GRIP1: variants seen among roughly 807,000 people sequenced by gnomAD.
GRIP1 encodes glutamate receptor-interacting protein 1.
A neutral mutation model predicts 129.9 loss-of-function variants in GRIP1; 45 were observed. The observed-to-expected ratio is 0.35, with a 90% confidence interval of 0.27 to 0.44. The LOEUF (loss-of-function observed/expected upper bound fraction) is 0.44. Among genes scored for constraint, GRIP1 ranks in the 20% least tolerant of loss-of-function variants. GRIP1 has a pLI of 1.00. For synonymous variants in GRIP1, 530 were observed against 520.8 expected, an observed-to-expected ratio of 1.02 and a Z score of -0.24; for missense variants, 1,196 against 1,396.8, an observed-to-expected ratio of 0.86 and a Z score of 2.29.
At chr12:66,387,394 C>G (rs180960470) in intron 19 of GRIP1, among the ~76,000 whole-genome samples, 83 of 152,330 alleles carry the variant, frequency 5.4e-4, no homozygotes, top group African/African-American at 1.8e-3. Context: ...AATTTACTCA[C>G]ACATACCATG....
chr12:67,008,565 T>C (rs571422388), intron 1 of GRIP1, among the ~76,000 whole-genome samples: 81 of 152,240 alleles, frequency 5.3e-4, no homozygotes, highest in Non-Finnish European at 1.1e-3. Context: ...ACTCTGGAAT[T>C]AGAGAGGATG....
chr12:66,526,849 T>A (rs1420222990), intron 5 of GRIP1, among the ~76,000 whole-genome samples: 1 of 150,302 alleles, frequency 6.7e-6, no homozygotes, highest in East Asian at 1.9e-4. Context: ...AACAACCCCA[T>A]CAAAAAGTGG....
At chr12:66,446,015 T>G (rs879877564) in intron 11 of GRIP1, among the ~76,000 whole-genome samples, 1 of 152,054 alleles carries the variant, frequency 6.6e-6, no homozygotes, top group African/African-American at 2.4e-5. Context: ...CCTGGCGTGG[T>G]GAGGCTGTGC....
At chr12:66,526,410 C>G (rs916289008) in intron 5 of GRIP1, among the ~76,000 whole-genome samples, 2 of 152,082 alleles carry the variant, frequency 1.3e-5, no homozygotes, top group Admixed American at 6.6e-5. Flanking sequence ...ACAAACCTGA[C>G]TAAAACAAGA....
rs35445606 is a variant in GRIP1 at position 66,696,804 on chromosome 12, C to CAA, written c.-419-66470_-419-66469dup. On this transcript the variant is annotated intron_variant, in intron 1 of 4. Transcript: ENST00000538373. Reference sequence around the variant, plus strand: ...TGGGTGACAGAGCAAGACTCTGTCTCAAAAAAAAAAAAAAAAAAAAAAAAA... The same window carrying CAA: ...TGGGTGACAGAGCAAGACTCTGTCTCAAAAAAAAAAAAAAAAAAAAAAAAAAA... Among the ~76,000 whole-genome samples, 120 of 103,718 alleles carry CAA rather than the reference C, an allele frequency of 1.2e-3. 3 individuals carry two copies. Among genetic ancestry groups the CAA allele is most frequent in the African/African-American group, 3.6e-3 (90 of 24,720 alleles). The allele number at this position is 103,718 out of a possible 152,430, so 68.0% of individuals were successfully genotyped here. A position where few individuals can be genotyped will look rare whatever the true frequency, so the allele number is the denominator to read the frequency against.
chr12:66,942,884 C>G lies in GRIP1; in HGVS notation c.58+126166G>C, dbSNP rs1253704085. ...ACAGCAGAAAGCTTGCTACTTCTCT[C>G]TCCGGTCTCTACCGTGTGAGGATAG... On this transcript the variant is annotated intron_variant, in intron 1 of 1. Coordinates refer to the GRIP1 transcript ENST00000643019. Among the ~76,000 whole-genome samples the G allele has an allele frequency of 2.0e-5, 3 of 152,194 alleles. No homozygotes were observed. In the South Asian group the frequency reaches 6.2e-4, roughly 32 times the overall value.
chr12:66,373,171 C>T (rs1228544291), intron 22 of GRIP1, among the ~76,000 whole-genome samples: 1 of 152,122 alleles, frequency 6.6e-6, no homozygotes, highest in Non-Finnish European at 1.5e-5. Flanking sequence ...ATCACTGCAA[C>T]CTCTGCCTTC....
At position 66,857,375 on chromosome 12, in the gene GRIP1, ATTATT is replaced by A. The variant is rs531928984; in HGVS notation, c.58+211670_58+211674del. On this transcript the variant is annotated intron_variant, in intron 1 of 1. Coordinates refer to the GRIP1 transcript ENST00000643019. ...AAAGTGAAACCAAAGCTTGGATTTT[ATTATT>A]TTAATATAATTTTCACATTAAAAAT... Among the ~76,000 whole-genome samples, 258 of 152,182 alleles carry A rather than the reference ATTATT, an allele frequency of 1.7e-3. 1 individual carries two copies. The highest frequency in any genetic ancestry group is 6.8e-3 in the Middle Eastern group (2 of 294).
intron 15 of GRIP1, among the ~76,000 whole-genome samples, chr12:66,408,842 C>G (rs2137687769): frequency 6.6e-6 from 1 of 152,276 alleles, no homozygotes; most frequent in African/African-American, 2.4e-5. Context: ...TCGCCACAAG[C>G]TGACTGAAGA....
intron 7 of GRIP1, among the ~76,000 whole-genome samples, chr12:66,484,072 G>A (rs556037707): frequency 1.3e-5 from 2 of 151,932 alleles, no homozygotes; most frequent in South Asian, 4.2e-4. Context: ...TTTTAGCCGG[G>A]ATGGTCTCGA....
intron 3 of GRIP1, among the ~76,000 whole-genome samples, chr12:66,539,545 C>CTTTTTTTTTTTTTTTTTTTTT (rs35373698): frequency 6.7e-5 from 4 of 59,288 alleles, no homozygotes; most frequent in African/African-American, 1.3e-4. Context: ...TCAAGAGAAG[C>CTTTTTTTTTTTTTTTTTTTTT]TTTTTTTTTT....
intron 5 of GRIP1, among the ~76,000 whole-genome samples, chr12:66,521,867 C>T (rs1053446777): frequency 1.3e-5 from 2 of 152,236 alleles, no homozygotes; most frequent in Admixed American, 1.3e-4. Context: ...CCGTACCTGG[C>T]TTGGAGGGTC....
At position 66,922,310 on chromosome 12, in the gene GRIP1, A is replaced by G. The variant is rs545474156; in HGVS notation, c.58+146740T>C. Among the ~76,000 whole-genome samples the G allele has an allele frequency of 9.4e-4, 143 of 152,312 alleles. 1 individual carries two copies. Among genetic ancestry groups the G allele is most frequent in the African/African-American group, 3.3e-3 (136 of 41,572 alleles). On this transcript the variant is annotated intron_variant, in intron 1 of 1. Coordinates refer to the GRIP1 transcript ENST00000643019. Reference sequence around the variant, plus strand: ...CTGGGGTGGGAGTGAGGAGGTAGAGAGGAAGCATCATTGCCCTTCACCCAC... The same window carrying G: ...CTGGGGTGGGAGTGAGGAGGTAGAGGGGAAGCATCATTGCCCTTCACCCAC...
In GRIP1 at chr12:66,749,248, C is replaced by T. The variant is rs1418153404; in HGVS notation, c.-420+54805G>A. 2.6e-5 allele frequency among the ~76,000 whole-genome samples: 4 copies of T among 152,314 alleles called. No homozygotes were observed. The East Asian group carries it at 5.8e-4, about 22-fold the overall frequency. On this transcript the variant is annotated intron_variant, in intron 1 of 4. Coordinates refer to the GRIP1 transcript ENST00000538373. ...ATTTTCATAATTCCAAGGACAACAT[C>T]TAACACCAACTGGGCATAAAGGAAA... is the stretch of plus-strand genomic sequence containing the variant.
At chr12:66,522,336 G>A (rs965371188) in intron 5 of GRIP1, among the ~76,000 whole-genome samples, 42 of 151,890 alleles carry the variant, frequency 2.8e-4, no homozygotes, top group African/African-American at 8.9e-4. Flanking sequence ...CAGCATTTGC[G>A]GATCACCAAT....
chr12:66,504,290 A>G (rs2060469093), intron 7 of GRIP1, among the ~76,000 whole-genome samples: 1 of 152,228 alleles, frequency 6.6e-6, no homozygotes, highest in Non-Finnish European at 1.5e-5. Context: ...CATGTTCCAC[A>G]GCCATGCCCT....
In GRIP1 at chr12:66,370,499, G is replaced by A. The variant is rs545108642; in HGVS notation, c.3012+1195C>T. Among the ~76,000 whole-genome samples, 5 of 152,258 alleles carry A rather than the reference G, an allele frequency of 3.3e-5. No homozygotes were observed. In the East Asian group the frequency reaches 9.7e-4, roughly 29 times the overall value. ...AGCTAGGTTTAATAAGGTGGCTAGGGAAATTGAGGTCTTTAGAGGAAAAAA... is the reference window on the plus strand; with the variant it reads ...AGCTAGGTTTAATAAGGTGGCTAGGAAAATTGAGGTCTTTAGAGGAAAAAA... On this transcript the variant is annotated intron_variant, in intron 23 of 24. Coordinates refer to ENST00000359742, the MANE Select transcript of GRIP1 (RefSeq NM_001366722.1).
At chr12:66,380,753 G>C (rs2056068992) in intron 19 of GRIP1, among the ~76,000 whole-genome samples, 3 of 152,158 alleles carry the variant, frequency 2.0e-5, no homozygotes, top group South Asian at 4.1e-4. Flanking sequence ...TTCAAGTGGG[G>C]CTCGATTGTA....
rs150514740 is a variant in GRIP1, at chr12:66,443,060, C to T, written c.1687+1524G>A. ...TACTAATTGGTAAGGGTTATTGGGTCTGTGAGGTAGTCTTTCATTGTGTGA... is the reference window on the plus strand; with the variant it reads ...TACTAATTGGTAAGGGTTATTGGGTTTGTGAGGTAGTCTTTCATTGTGTGA... On this transcript the variant is annotated intron_variant, in intron 13 of 24. Transcript: ENST00000359742. 2.7e-3 allele frequency among the ~76,000 whole-genome samples: 407 copies of T among 152,252 alleles called. 3 individuals carry two copies. Among genetic ancestry groups the T allele is most frequent in the Middle Eastern group, 0.017 (5 of 294 alleles).
Sources: gnomAD v4.1 joint callset for allele counts (sites outside exome capture counted in the v4.1 genomes callset) on GRCh38, gnomAD v4.1.1 for gene constraint, MANE v1.5 for transcripts, NCBI Gene and HGNC (gene_info 2026-07-23, HGNC 2026-07-21) for gene names.